Variants in NDC1 observed in about 807,000 individuals in gnomAD.
NDC1 encodes the protein NDC1 transmembrane nucleoporin.
A neutral mutation model predicts 89.8 loss-of-function variants in NDC1; 24 were observed. The ratio of observed to expected loss-of-function variants is 0.27; its 90% confidence interval spans 0.19 to 0.38. The LOEUF is 0.38. Among genes scored for constraint, NDC1 ranks in the 10% least tolerant of loss-of-function variants. The pLI, the probability that NDC1 is intolerant of heterozygous loss-of-function variation, is 1.00. For synonymous variants in NDC1, 296 were observed against 284.8 expected (o/e 1.04, Z -0.39); for missense variants, 728 against 797.6 (o/e 0.91, Z 1.05).
chr1:53,827,537 A>C (rs1648910675), intron 4 of NDC1, among the ~76,000 whole-genome samples: 1 of 152,248 alleles, frequency 6.6e-6, no homozygotes. Context: ...AAAATTATAA[A>C]AGCACTCTAT....
chr1:53,813,484 T>C (rs1648378476), intron 6 of NDC1, among the ~76,000 whole-genome samples: 1 of 152,080 alleles, frequency 6.6e-6, no homozygotes, highest in Non-Finnish European at 1.5e-5. Flanking sequence ...TAGCTATTCT[T>C]ATATCAGACA....
chr1:53,789,264 A>G (rs1181229301), intron 14 of NDC1, 68 bp from the exon 15 acceptor site: 1 of 960,490 alleles, frequency 1.0e-6, no homozygotes, highest in Non-Finnish European at 1.6e-6. Flanking sequence ...TCCTTTAATT[A>G]AATATGTAGA....
rs1649308845 is a variant in NDC1, at chr1:53,838,264, A to C, written c.-3T>G. Reference sequence around the variant, plus strand: ...GGCCGGCTCACGGCCGTGGCCATGGAGATGGCGGCCCCTAGTCTAGGGCGT... The same window carrying C: ...GGCCGGCTCACGGCCGTGGCCATGGCGATGGCGGCCCCTAGTCTAGGGCGT... On this transcript the variant is annotated 5_prime_UTR_variant, in exon 1 of 18. Transcript: ENST00000371429. The C allele has an allele frequency of 2.0e-6, 3 of 1,537,114 alleles. No homozygotes were observed. The highest frequency in any genetic ancestry group is 2.6e-6 in the Non-Finnish European group (3 of 1,145,430).
At chr1:53,830,011 C>T (rs1344931700) in intron 3 of NDC1, among the ~76,000 whole-genome samples, 2 of 151,718 alleles carry the variant, frequency 1.3e-5, no homozygotes, top group East Asian at 1.9e-4. Context: ...AATAGACGGG[C>T]GAGGTGGCAG....
intron 2 of NDC1, among the ~76,000 whole-genome samples, chr1:53,835,222 A>G (rs1006139235): frequency 6.6e-6 from 1 of 152,238 alleles, no homozygotes; most frequent in African/African-American, 2.4e-5. Context: ...AAGCTGCCCA[A>G]AGGAAAAACA....
intron 16 of NDC1, among the ~76,000 whole-genome samples, chr1:53,781,306 C>T (rs183746629): frequency 6.6e-6 from 1 of 152,326 alleles, no homozygotes; most frequent in Non-Finnish European, 1.5e-5. Flanking sequence ...ACTATGAACT[C>T]AGCAATGCTT....
chr1:53,807,024 A>C (rs1410955546), intron 8 of NDC1, among the ~76,000 whole-genome samples: 1 of 152,010 alleles, frequency 6.6e-6, no homozygotes, highest in Non-Finnish European at 1.5e-5. Flanking sequence ...AGGACAGATC[A>C]TTTTGAGGTC....
At chr1:53,778,256 TATATACACA>T (rs748121570) in intron 16 of NDC1, among the ~76,000 whole-genome samples, 4 of 123,070 alleles carry the variant, frequency 3.3e-5, no homozygotes, top group Non-Finnish European at 5.0e-5. Context: ...TGTGTGTGTG[TATATACACA>T]CACACACACA....
intron 3 of NDC1, among the ~76,000 whole-genome samples, chr1:53,830,597 A>G (rs1649025999): frequency 6.6e-6 from 1 of 152,184 alleles, no homozygotes; most frequent in African/African-American, 2.4e-5. Flanking sequence ...GCGGTGGCTC[A>G]TGCTTGTAAT....
At chr1:53,812,993 T>C (rs886646884) in intron 6 of NDC1, among the ~76,000 whole-genome samples, 2 of 152,250 alleles carry the variant, frequency 1.3e-5, no homozygotes, top group Non-Finnish European at 2.9e-5. Flanking sequence ...AAGAATTTTG[T>C]ATCCAGCGAA....
chr1:53,804,094 C>A, intron 9 of NDC1, 85 bp from the exon 10 acceptor site: 1 of 912,674 alleles, frequency 1.1e-6, no homozygotes, highest in Non-Finnish European at 1.7e-6. Flanking sequence ...ATTATATATC[C>A]AAGAGGAAAT....
chr1:53,813,011 A>G (rs1430244999), intron 6 of NDC1, among the ~76,000 whole-genome samples: 5 of 152,258 alleles, frequency 3.3e-5, no homozygotes, highest in Non-Finnish European at 7.3e-5. Flanking sequence ...GAAACTAAGC[A>G]TCATATATGA....
intron 17 of NDC1, 142 bp from the exon 18 acceptor site, chr1:53,768,175 G>A (rs1296594531): frequency 3.7e-6 from 2 of 538,832 alleles, no homozygotes; most frequent in African/African-American, 3.9e-5. Context: ...GAAAAAGCTG[G>A]ATGAAAACTC....
chr1:53,820,329 T>C (rs1367611474), intron 5 of NDC1, among the ~76,000 whole-genome samples: 1 of 151,896 alleles, frequency 6.6e-6, no homozygotes, highest in Non-Finnish European at 1.5e-5. Context: ...TTTATGAATT[T>C]ATGTTGGGCC....
intron 3 of NDC1, among the ~76,000 whole-genome samples, chr1:53,830,195 T>C (rs1649008467): frequency 6.6e-6 from 1 of 151,036 alleles, no homozygotes; most frequent in Non-Finnish European, 1.5e-5. Flanking sequence ...GGCTCACACC[T>C]GTAATCACAG....
Position 53,796,698 on chromosome 1 carries a change from T to C in NDC1, c.1575A>G (p.Lys525=). 1.3e-6 allele frequency: 2 copies of C among 1,599,440 alleles called. No homozygotes were observed. The highest frequency in any genetic ancestry group is 2.2e-5 in the South Asian group (2 of 89,380). The change falls in exon 13 of 18, where the codon AAA becomes AAG. Residue 525 remains lysine, a synonymous_variant. Transcript: ENST00000371429. The part of the protein sequence containing the change: ...PSVIYSWIQN[K]REQIKNFLSK... ...AACCATATCATCCTACCTGTTCACG[T>C]TTATTCTGAATCCATGAATAAATCA...
intron 7 of NDC1, 96 bp downstream of exon 7, chr1:53,809,599 T>C (rs1017654301): frequency 1.5e-5 from 14 of 916,224 alleles, no homozygotes; most frequent in Non-Finnish European, 2.2e-5. Context: ...TTTAAAAAAA[T>C]GTTAAAGGCA....
intron 3 of NDC1, among the ~76,000 whole-genome samples, chr1:53,831,543 C>T (rs1020651625): frequency 6.0e-5 from 9 of 150,614 alleles, no homozygotes; most frequent in African/African-American, 1.2e-4. Flanking sequence ...CGTGGTGGCG[C>T]GTGCCTGTAA....
At chr1:53,787,532 G>A (rs1315452363) in intron 15 of NDC1, among the ~76,000 whole-genome samples, 2 of 151,756 alleles carry the variant, frequency 1.3e-5, no homozygotes, top group African/African-American at 2.4e-5. Flanking sequence ...CCAGCTACTC[G>A]AGAGGCTGAG....
Sources: gnomAD v4.1 joint callset for allele counts (sites outside exome capture counted in the v4.1 genomes callset) on GRCh38, gnomAD v4.1.1 for gene constraint, MANE v1.5 for transcripts, NCBI Gene and HGNC (gene_info 2026-07-23, HGNC 2026-07-21) for gene names.